The following GLI2 variants were observed in gnomAD, a reference collection of about 807,000 sequenced individuals.
The protein encoded by GLI2 is GLI family zinc finger 2.
Under a neutral mutation model 78.9 loss-of-function variants are expected in GLI2, and 22 were observed. The ratio of observed to expected loss-of-function variants is 0.28; its 90% confidence interval spans 0.20 to 0.40. The LOEUF is 0.40. Among genes scored for constraint, GLI2 ranks in the 10% least tolerant of loss-of-function variants. GLI2 has a pLI of 1.00. For synonymous variants in GLI2, 974 were observed against 963.7 expected, an observed-to-expected ratio of 1.01 and a Z score of -0.20; for missense variants, 2,097 against 2,213.2, an observed-to-expected ratio of 0.95 and a Z score of 1.05.
Position 120,737,059 on chromosome 2 carries a change from T to C in GLI2, c.-31+774T>C, listed in dbSNP as rs1477182425. ...CCCCGACAATCTCTCAACAAGTATA[T>C]TTGCTGAGGAATTTGAAAAATCCAC... On this transcript the variant is annotated intron_variant, in intron 1 of 13. Transcript: ENST00000361492. The surrounding 1 kb of genome is among the most constrained non-coding windows in gnomAD (Gnocchi z 4.3). Among the ~76,000 whole-genome samples, 3 of 152,084 alleles carry C rather than the reference T, an allele frequency of 2.0e-5. No homozygotes were observed. Among genetic ancestry groups the C allele is most frequent in the Non-Finnish European group, 4.4e-5 (3 of 68,014 alleles).
chr2:120,799,871 G>A (rs1242482118), intron 2 of GLI2, among the ~76,000 whole-genome samples: 3 of 152,212 alleles, frequency 2.0e-5, no homozygotes, highest in Non-Finnish European at 4.4e-5. Flanking sequence ...TGAGGAGAAT[G>A]TGCGGAAGGA....
At chr2:120,754,616 G>T (rs1682982806) in intron 1 of GLI2, among the ~76,000 whole-genome samples, 2 of 152,168 alleles carry the variant, frequency 1.3e-5, no homozygotes, top group Non-Finnish European at 2.9e-5. Context: ...TTTTATTGCT[G>T]AGTAGTAGTT....
chr2:120,868,759 CAGGT>C (rs1444000382), intron 2 of GLI2, among the ~76,000 whole-genome samples: 33 of 152,236 alleles, frequency 2.2e-4, no homozygotes, highest in African/African-American at 7.7e-4. Context: ...CCTCAGGTAA[CAGGT>C]AGGGATGCAG....
intron 2 of GLI2, among the ~76,000 whole-genome samples, chr2:120,885,459 C>T (rs1343140247): frequency 6.6e-6 from 1 of 152,196 alleles, no homozygotes; most frequent in Non-Finnish European, 1.5e-5. Context: ...ACCCCAGCCT[C>T]GGAAATGCTG....
chr2:120,784,566 T>C (rs184906250), intron 1 of GLI2, among the ~76,000 whole-genome samples: 1 of 152,090 alleles, frequency 6.6e-6, no homozygotes, highest in African/African-American at 2.4e-5. Context: ...AATGTCATTC[T>C]GCAGACAGTG....
chr2:120,771,085 G>C (rs986526257), intron 1 of GLI2, among the ~76,000 whole-genome samples: 6 of 152,222 alleles, frequency 3.9e-5, no homozygotes, highest in African/African-American at 1.4e-4. Flanking sequence ...GAGTGAACCT[G>C]AAAGGCAGCC....
chr2:120,773,969 C>T (rs139200699), intron 1 of GLI2, among the ~76,000 whole-genome samples: 1 of 134,782 alleles, frequency 7.4e-6, no homozygotes, highest in Non-Finnish European at 1.6e-5. Context: ...CTCCCTCCTT[C>T]CCTCTCTCCT....
intron 2 of GLI2, among the ~76,000 whole-genome samples, chr2:120,915,645 C>T (rs1012609677): frequency 2.6e-5 from 4 of 152,126 alleles, no homozygotes; most frequent in African/African-American, 7.2e-5. Context: ...CATTTGCGAA[C>T]GAACACCTGG....
chr2:120,984,835 G>GC lies in GLI2; in HGVS notation c.1905+98dup, dbSNP rs35656560. 5.1e-6 allele frequency: 7 copies of GC among 1,366,410 alleles called. No individual in the cohort carries two copies. In the Admixed American group the frequency reaches 1.1e-4, roughly 21 times the overall value. The allele number at this position is 1,366,410 out of a possible 1,614,324, so 84.6% of individuals were successfully genotyped here. On this transcript the variant is annotated intron_variant, in intron 12 of 13. Transcript: ENST00000361492. The stretch of plus-strand genomic sequence containing the variant: ...CCACGGTTGCGGGCTCTGCCCTAAG[G>GC]CCCCCCTCTAGGGGCACAGCGATAT...
chr2:120,921,407 G>T (rs1462990371), intron 2 of GLI2, among the ~76,000 whole-genome samples: 3 of 152,138 alleles, frequency 2.0e-5, no homozygotes, highest in Non-Finnish European at 1.5e-5. Flanking sequence ...GCCAGCATCT[G>T]CACCCAGAGC....
intron 1 of GLI2, among the ~76,000 whole-genome samples, chr2:120,788,908 G>A (rs991198911): frequency 1.3e-5 from 2 of 152,078 alleles, no homozygotes; most frequent in African/African-American, 2.4e-5. Context: ...CTGCAGAAGC[G>A]TGTCAGACAC....
intron 5 of GLI2, among the ~76,000 whole-genome samples, chr2:120,959,953 C>A (rs995407631): frequency 6.6e-6 from 1 of 152,222 alleles, no homozygotes; most frequent in African/African-American, 2.4e-5. Flanking sequence ...CCATACACAT[C>A]ATCTTGAGCA....
At chr2:120,951,572 C>T (rs1316777384) in intron 4 of GLI2, 127 bp downstream of exon 4, 5 of 624,526 alleles carry the variant, frequency 8.0e-6, no homozygotes, top group South Asian at 4.3e-5. Context: ...GGCTGGCTGG[C>T]GTTCCTTCAC....
chr2:120,774,033 C>T (rs531570816), intron 1 of GLI2, among the ~76,000 whole-genome samples: 1 of 150,896 alleles, frequency 6.6e-6, no homozygotes, highest in East Asian at 2.0e-4. Flanking sequence ...ATCCACTACC[C>T]TTCACTTACA....
rs1339889377 is a variant in GLI2, at chr2:120,992,485, G to A, written c.*1810G>A. ...ATAAGTCTTTTTGTACATTAAAAAA[G>A]TAATTTTTTCATAATTTATCTTGTC... On this transcript the variant is annotated 3_prime_UTR_variant, in exon 14 of 14. Transcript: ENST00000361492. 6.6e-6 allele frequency: 1 copy of A among 152,160 alleles called. No individual in the cohort carries two copies. The highest frequency in any genetic ancestry group is 1.5e-5 in the Non-Finnish European group (1 of 68,024). The allele number at this position is 152,160 out of a possible 1,614,324, so 9.4% of individuals were successfully genotyped here. A position where few individuals can be genotyped will look rare whatever the true frequency, so the allele number is the denominator to read the frequency against.
intron 2 of GLI2, among the ~76,000 whole-genome samples, chr2:120,827,304 G>A (rs986849030): frequency 2.6e-5 from 4 of 152,156 alleles, no homozygotes; most frequent in East Asian, 1.9e-4. Flanking sequence ...GCCTGTGAGC[G>A]GGTGATGAAG....
rs868758991 is a variant in GLI2 at position 120,927,423 on chromosome 2, G to A, written c.211G>A (p.Gly71Arg). ...ACCGATTGACATGCGACACCAGGAA[G>A]GAAGGTACCATTACGAGCCTCATTC... ...PLPIDMRHQE[G>R]RYHYEPHSVH... Residue 71 changes from glycine (G) to arginine (R), a missense_variant, in exon 3 of 14, where the codon GGA (glycine) becomes AGA (arginine). Around this residue, in one of 5 missense-constraint regions of GLI2, gnomAD observed 578 missense variants for 612.0 expected, o/e 0.94. Coordinates refer to ENST00000361492, the MANE Select transcript of GLI2 (RefSeq NM_001374353.1). 6.2e-7 allele frequency: 1 copy of A among 1,614,074 alleles called. No homozygotes were observed. Among genetic ancestry groups the A allele is most frequent in the South Asian group, 1.1e-5 (1 of 91,076 alleles).
At chr2:120,904,285 T>G (rs550226674) in intron 2 of GLI2, among the ~76,000 whole-genome samples, 2 of 152,302 alleles carry the variant, frequency 1.3e-5, no homozygotes, top group South Asian at 4.1e-4. Context: ...ATTCATGGAT[T>G]TATTCTTTCA....
At chr2:120,917,945 G>C (rs942456886) in intron 2 of GLI2, among the ~76,000 whole-genome samples, 12 of 152,212 alleles carry the variant, frequency 7.9e-5, no homozygotes, top group Non-Finnish European at 1.3e-4. Flanking sequence ...AAGCCTCCTG[G>C]GGATTGGTCA....
Sources: allele counts gnomAD v4.1 joint callset (sites outside exome capture counted in the v4.1 genomes callset), GRCh38; gene constraint gnomAD v4.1.1; regional missense constraint gnomAD v4.1.1; non-coding constraint Gnocchi (gnomAD v3.1); transcripts MANE v1.5; gene names NCBI Gene and HGNC (gene_info 2026-07-23, HGNC 2026-07-21).